Variants in FHIT observed in about 807,000 individuals in gnomAD.
The protein encoded by FHIT is fragile histidine triad diadenosine triphosphatase, also known as bis(5'-adenosyl)-triphosphatase.
In FHIT, 19 loss-of-function variants were observed where a neutral mutation model predicts 17.9. That is an observed-to-expected ratio of 1.06 (90% CI 0.74 to 1.56). The LOEUF (loss-of-function observed/expected upper bound fraction) is 1.56. Ranked by LOEUF, FHIT falls within the 40% of genes most tolerant of loss-of-function variation. FHIT has a pLI of 0.00. For synonymous variants in FHIT, 81 were observed against 69.7 expected (o/e 1.16, Z -0.81); for missense variants, 248 against 189.2 (o/e 1.31, Z -1.82).
intron 5 of FHIT, among the ~76,000 whole-genome samples, chr3:60,302,450 T>G (rs990953307): frequency 6.6e-6 from 1 of 152,114 alleles, no homozygotes; most frequent in Non-Finnish European, 1.5e-5. Context: ...AATACTTGAT[T>G]CTATGTTTTA....
At chr3:60,458,696 A>G (rs1214819794) in intron 5 of FHIT, among the ~76,000 whole-genome samples, 2 of 152,004 alleles carry the variant, frequency 1.3e-5, no homozygotes, top group Non-Finnish European at 2.9e-5. Flanking sequence ...TTGACCGCCA[A>G]CTCTAGATGT....
intron 5 of FHIT, among the ~76,000 whole-genome samples, chr3:60,516,900 G>C (rs372198498): frequency 6.6e-6 from 1 of 152,110 alleles, no homozygotes; most frequent in South Asian, 2.1e-4. Flanking sequence ...AGTAAATTGA[G>C]AAATCAATTG....
At chr3:61,091,714 G>A (rs969348378) in intron 2 of FHIT, among the ~76,000 whole-genome samples, 13 of 151,910 alleles carry the variant, frequency 8.6e-5, no homozygotes, top group African/African-American at 1.7e-4. Context: ...TTGGGAGGCC[G>A]AGGCAGAGGG....
At chr3:61,151,577 T>TTTC (rs548024417) in intron 2 of FHIT, among the ~76,000 whole-genome samples, 1 of 96,796 alleles carries the variant, frequency 1.0e-5, no homozygotes. Flanking sequence ...TTTCTTTTCT[T>TTTC]TTTTTTTTTT....
intron 5 of FHIT, among the ~76,000 whole-genome samples, chr3:60,235,043 A>G (rs1704696358): frequency 6.6e-6 from 1 of 152,100 alleles, no homozygotes; most frequent in South Asian, 2.1e-4. Context: ...GTAACTTCTC[A>G]ACGTTACATG....
chr3:60,375,319 A>G (rs1700506669), intron 5 of FHIT, among the ~76,000 whole-genome samples: 1 of 151,760 alleles, frequency 6.6e-6, no homozygotes, highest in Non-Finnish European at 1.5e-5. Context: ...CTGTAATCCT[A>G]GCACTTTGGA....
chr3:60,565,469 T>A (rs2037100185), intron 4 of FHIT, among the ~76,000 whole-genome samples: 1 of 152,220 alleles, frequency 6.6e-6, no homozygotes, highest in Non-Finnish European at 1.5e-5. Context: ...CCCACTTCTA[T>A]TCTTCACCGT....
chr3:59,756,974 T>C (rs1481991518), intron 8 of FHIT, among the ~76,000 whole-genome samples: 1 of 152,178 alleles, frequency 6.6e-6, no homozygotes, highest in Non-Finnish European at 1.5e-5. Flanking sequence ...TCTTTCTTAG[T>C]AGTACATAAA....
intron 3 of FHIT, among the ~76,000 whole-genome samples, chr3:61,003,421 C>T (rs1295594773): frequency 1.3e-5 from 2 of 152,174 alleles, no homozygotes; most frequent in East Asian, 3.9e-4. Flanking sequence ...AAGCTTTTAT[C>T]CTACTTTTAT....
chr3:60,699,752 TACACAC>T (rs148373028), intron 4 of FHIT, among the ~76,000 whole-genome samples: 4 of 144,278 alleles, frequency 2.8e-5, no homozygotes, highest in African/African-American at 1.0e-4. Context: ...TTAAGATAAA[TACACAC>T]ACACACACAC....
intron 5 of FHIT, among the ~76,000 whole-genome samples, chr3:60,088,738 T>C (rs935605598): frequency 2.0e-5 from 3 of 152,198 alleles, no homozygotes; most frequent in Admixed American, 6.5e-5. Flanking sequence ...TCCAAAGTTA[T>C]AGAAAAACAA....
chr3:61,112,436 C>T (rs1011157699), intron 2 of FHIT, among the ~76,000 whole-genome samples: 7 of 152,070 alleles, frequency 4.6e-5, no homozygotes, highest in Non-Finnish European at 8.8e-5. Context: ...AGGGAAGTTC[C>T]GCAGTCAGGA....
chr3:60,998,115 G>C (rs1575816040), intron 3 of FHIT, among the ~76,000 whole-genome samples: 1 of 152,134 alleles, frequency 6.6e-6, no homozygotes, highest in Non-Finnish European at 1.5e-5. Context: ...TTTTTAAAAA[G>C]TCAACTTTCA....
At chr3:60,604,916 T>A (rs529589955) in intron 4 of FHIT, among the ~76,000 whole-genome samples, 1 of 152,182 alleles carries the variant, frequency 6.6e-6, no homozygotes, top group Non-Finnish European at 1.5e-5. Context: ...AGGAGCAGCA[T>A]TGAAGGGATC....
intron 3 of FHIT, among the ~76,000 whole-genome samples, chr3:60,878,127 C>G (rs1704756463): frequency 1.3e-5 from 2 of 152,230 alleles, no homozygotes; most frequent in East Asian, 1.9e-4. Context: ...GTATCCTATT[C>G]CCCAGGGGTA....
intron 7 of FHIT, among the ~76,000 whole-genome samples, chr3:59,950,745 G>T (rs1420446501): frequency 6.6e-6 from 1 of 152,122 alleles, no homozygotes; most frequent in African/African-American, 2.4e-5. Flanking sequence ...AAAGCTCCCA[G>T]GCAACAGGCA....
intron 5 of FHIT, among the ~76,000 whole-genome samples, chr3:60,347,146 G>A (rs972340706): frequency 1.3e-4 from 20 of 151,676 alleles, no homozygotes; most frequent in African/African-American, 4.1e-4. Flanking sequence ...TTACCTTCTC[G>A]GTATGTGGTA....
chr3:60,534,765 C>T (rs931774742), intron 5 of FHIT, among the ~76,000 whole-genome samples: 1 of 152,114 alleles, frequency 6.6e-6, no homozygotes, highest in East Asian at 1.9e-4. Context: ...TATAAAGTAA[C>T]TGAGCAGGGT....
intron 3 of FHIT, among the ~76,000 whole-genome samples, chr3:60,888,977 A>G (rs1705364654): frequency 6.6e-6 from 1 of 152,152 alleles, no homozygotes; most frequent in Admixed American, 6.5e-5. Context: ...CAGTATGTTC[A>G]ATTCTTTGCC....
Sources: allele counts gnomAD v4.1 joint callset (sites outside exome capture counted in the v4.1 genomes callset), GRCh38; gene constraint gnomAD v4.1.1; transcripts MANE v1.5; gene names NCBI Gene and HGNC (gene_info 2026-07-23, HGNC 2026-07-21).